Variants in ACOXL observed in about 807,000 individuals in gnomAD.
ACOXL encodes the protein acyl-CoA oxidase like.
Under a neutral mutation model 71.9 loss-of-function variants are expected in ACOXL, and 70 were observed. The observed-to-expected ratio is 0.97, with a 90% CI of 0.80 to 1.19. The LOEUF is 1.19. Ranked by LOEUF, ACOXL falls within the 50% of genes most tolerant of loss-of-function variation. The probability of loss-of-function intolerance (pLI) is 0.00; values close to 1 mark genes in which losing one functional copy is unlikely to be tolerated. For synonymous variants in ACOXL, 253 were observed against 281.6 expected, an observed-to-expected ratio of 0.90 and a Z score of 1.02; for missense variants, 703 against 736.3, an observed-to-expected ratio of 0.95 and a Z score of 0.52.
At chr2:110,841,580 G>A (rs1452034116) in intron 10 of ACOXL, among the ~76,000 whole-genome samples, 175 bp downstream of exon 10, 1 of 152,116 alleles carries the variant, frequency 6.6e-6, no homozygotes, top group African/African-American at 2.4e-5. Context: ...GCTATTTAGA[G>A]GAACGAGGTC....
At position 110,826,960 on chromosome 2, in the gene ACOXL, A is replaced by G. The variant is rs73956473; in HGVS notation, c.754-14411A>G. Among the ~76,000 whole-genome samples, 468 of 152,084 alleles carry G rather than the reference A, an allele frequency of 3.1e-3. 2 individuals carry two copies. Among genetic ancestry groups the G allele is most frequent in the African/African-American group, 0.011 (448 of 41,496 alleles). The stretch of plus-strand genomic sequence containing the variant: ...AGATGGGCTCGCTCTCCATGGTGAG[A>G]TGTGGTGTGGTGGCACCAGAACATG... On this transcript the variant is annotated intron_variant, in intron 9 of 17. Coordinates refer to ENST00000439055, the MANE Select transcript of ACOXL (RefSeq NM_001142807.4).
At chr2:110,882,389 T>A (rs1696770956) in intron 10 of ACOXL, among the ~76,000 whole-genome samples, 1 of 152,238 alleles carries the variant, frequency 6.6e-6, no homozygotes. Flanking sequence ...ATATGCCTTT[T>A]GCAAATATTT....
chr2:111,086,777 T>C (rs1315624071), intron 16 of ACOXL, among the ~76,000 whole-genome samples: 3 of 152,130 alleles, frequency 2.0e-5, no homozygotes, highest in Non-Finnish European at 4.4e-5. Context: ...TCACTACCTC[T>C]GCTTAACATA....
chr2:110,963,603 GTT>G lies in ACOXL; in HGVS notation c.1060-23501_1060-23500del, dbSNP rs752484018. 100 of 1,293,026 alleles carry G rather than the reference GTT, an allele frequency of 7.7e-5. No homozygotes were observed. In the East Asian group the frequency reaches 3.9e-3, roughly 51 times the overall value. The allele number at this position is 1,293,026 out of a possible 1,614,324, so 80.1% of individuals were successfully genotyped here. Reference sequence around the variant, plus strand: ...TGTGTGTGTGTGTGTGTGTGTGTGTGTTTTTCTCTTTCTGCAACAGGGTTACA... The same window carrying G: ...TGTGTGTGTGTGTGTGTGTGTGTGTGTTTCTCTTTCTGCAACAGGGTTACA... On this transcript the variant is annotated intron_variant, in intron 12 of 17. Coordinates refer to ENST00000439055, the MANE Select transcript of ACOXL (RefSeq NM_001142807.4).
At chr2:111,044,080 T>A (rs756644128) in intron 15 of ACOXL, among the ~76,000 whole-genome samples, 38 of 152,204 alleles carry the variant, frequency 2.5e-4, no homozygotes, top group Admixed American at 1.3e-3. Flanking sequence ...GTAGCTTTGT[T>A]CATCCAGAAG....
At chr2:110,981,150 G>A (rs1490394593) in intron 12 of ACOXL, among the ~76,000 whole-genome samples, 3 of 152,320 alleles carry the variant, frequency 2.0e-5, no homozygotes, top group Admixed American at 2.0e-4. Flanking sequence ...ATCACTTGAG[G>A]TCAGGAGTTC....
At chr2:111,008,746 T>C (rs1173814208) in intron 14 of ACOXL, among the ~76,000 whole-genome samples, 2 of 152,216 alleles carry the variant, frequency 1.3e-5, no homozygotes, top group South Asian at 2.1e-4. Context: ...GAGTGAAGTC[T>C]GTTTCCTCAA....
rs75316441 is a variant in ACOXL, at chr2:111,118,096, C to T, written c.*280C>T. On this transcript the variant is annotated 3_prime_UTR_variant, in exon 18 of 18. Coordinates refer to ENST00000439055, the MANE Select transcript of ACOXL (RefSeq NM_001142807.4). ...CTCTCCCAACTTCAGTGCCGGATCC[C>T]CTAGACAATCAGGGTGGGCTCCCCG... 16 of 540,772 alleles carry T rather than the reference C, an allele frequency of 3.0e-5. No individual in the cohort carries two copies. The East Asian group carries it at 5.2e-4, about 18-fold the overall frequency. 33.5% of individuals were successfully genotyped at this position (540,772 alleles called of 1,614,324 possible). A position where few individuals can be genotyped will look rare whatever the true frequency, so the allele number is the denominator to read the frequency against.
At chr2:110,791,873 T>C (rs1033058532) in intron 3 of ACOXL, among the ~76,000 whole-genome samples, 6 of 152,188 alleles carry the variant, frequency 3.9e-5, no homozygotes, top group African/African-American at 1.2e-4. Context: ...TGGTACTTAT[T>C]GGCTGCTGTA....
At chr2:111,085,657 C>T (rs1056756735) in intron 16 of ACOXL, among the ~76,000 whole-genome samples, 2 of 152,002 alleles carry the variant, frequency 1.3e-5, no homozygotes, top group African/African-American at 2.4e-5. Context: ...CCCAACATTA[C>T]AACTAGAGGA....
chr2:111,075,843 G>A (rs1286036014), intron 16 of ACOXL, among the ~76,000 whole-genome samples: 1 of 152,020 alleles, frequency 6.6e-6, no homozygotes, highest in Non-Finnish European at 1.5e-5. Flanking sequence ...ATATATAGAA[G>A]TATGAGGTCT....
At chr2:110,936,890 C>A (rs1406413763) in intron 12 of ACOXL, among the ~76,000 whole-genome samples, 1 of 151,082 alleles carries the variant, frequency 6.6e-6, no homozygotes, top group African/African-American at 2.4e-5. Context: ...CTGTGTTGCC[C>A]AGGCTGGAGT....
chr2:110,750,936 T>C (rs532109817), intron 1 of ACOXL, among the ~76,000 whole-genome samples: 1 of 152,180 alleles, frequency 6.6e-6, no homozygotes, highest in African/African-American at 2.4e-5. Flanking sequence ...TCGCCTGCCT[T>C]GGCCTCCCAA....
At chr2:110,994,802 C>T (rs2063318833) in intron 13 of ACOXL, among the ~76,000 whole-genome samples, 1 of 152,154 alleles carries the variant, frequency 6.6e-6, no homozygotes, top group Non-Finnish European at 1.5e-5. Context: ...GCACATCCTC[C>T]CCTGTGCTTG....
intron 12 of ACOXL, among the ~76,000 whole-genome samples, chr2:110,956,305 G>T (rs758695369): frequency 6.6e-6 from 1 of 152,102 alleles, no homozygotes; most frequent in African/African-American, 2.4e-5. Context: ...TATGGGTAGC[G>T]TAGTGCCTAA....
At chr2:110,904,151 G>T (rs1035691813) in intron 10 of ACOXL, among the ~76,000 whole-genome samples, 2 of 146,480 alleles carry the variant, frequency 1.4e-5, no homozygotes, top group African/African-American at 5.0e-5. Flanking sequence ...GGGAGGGAAA[G>T]AAAGAGTTGG....
chr2:110,917,067 A>G (rs576463730), intron 11 of ACOXL, among the ~76,000 whole-genome samples: 5 of 152,360 alleles, frequency 3.3e-5, no homozygotes, highest in African/African-American at 1.2e-4. Context: ...TGAGGCCAGC[A>G]TCATCCTGAT....
At chr2:111,098,344 TG>T (rs1400317274) in intron 17 of ACOXL, 1 of 152,236 alleles carries the variant, frequency 6.6e-6, no homozygotes, top group Non-Finnish European at 1.5e-5. Context: ...CATCTCATAA[TG>T]TTTTTTAAAA....
At chr2:110,850,004 G>C (rs746461531) in intron 10 of ACOXL, among the ~76,000 whole-genome samples, 4 of 152,180 alleles carry the variant, frequency 2.6e-5, no homozygotes, top group Non-Finnish European at 4.4e-5. Context: ...AAATGATTCA[G>C]TGGAGAAAGG....
Sources: gnomAD v4.1 joint callset for allele counts (sites outside exome capture counted in the v4.1 genomes callset) on GRCh38, gnomAD v4.1.1 for gene constraint, MANE v1.5 for transcripts, NCBI Gene and HGNC (gene_info 2026-07-23, HGNC 2026-07-21) for gene names.